CNTFR: variants seen among roughly 807,000 people sequenced by gnomAD.
CNTFR encodes the protein ciliary neurotrophic factor receptor subunit alpha.
CNTFR carries 12 observed loss-of-function variants against 40.4 expected under a neutral mutation model. The ratio of observed to expected loss-of-function variants is 0.30; its 90% CI spans 0.19 to 0.48. The LOEUF (loss-of-function observed/expected upper bound fraction) is 0.48. CNTFR is among the 20% of genes least tolerant of loss of function. The pLI, the probability that CNTFR is intolerant of heterozygous loss-of-function variation, is 0.99. For synonymous variants in CNTFR, 202 were observed against 209.6 expected (o/e 0.96, Z 0.31); for missense variants, 414 against 506.8 (o/e 0.82, Z 1.76).
chr9:34,575,724 T>A (rs2132223876), intron 2 of CNTFR, among the ~76,000 whole-genome samples: 1 of 121,572 alleles, frequency 8.2e-6, no homozygotes, highest in Non-Finnish European at 1.6e-5. Flanking sequence ...GGGGCAGCAG[T>A]GCATGTGATG....
chr9:34,555,089 CT>C (rs201537084), intron 7 of CNTFR, among the ~76,000 whole-genome samples: 3,617 of 152,370 alleles, frequency 0.024, 68 homozygotes, highest in Middle Eastern at 0.041. Flanking sequence ...GCCAGGTCCA[CT>C]GCAAGGCGTG....
At chr9:34,586,718 GAGTCTAGTCTCCTTATGGAAGGAA>G (rs1461957498) in intron 1 of CNTFR, among the ~76,000 whole-genome samples, 1 of 152,202 alleles carries the variant, frequency 6.6e-6, no homozygotes, top group Non-Finnish European at 1.5e-5. Flanking sequence ...TTCCTGCCAA[GAGTCTAGTCTCCTTATGGAAGGAA>G]AGCAGCGAAA....
At position 34,557,508 on chromosome 9, in the gene CNTFR, C is replaced by T. The variant is rs1380871376; in HGVS notation, c.604+18G>A. Reference sequence around the variant, plus strand: ...CCCACTGGAGTAGGCAGCAGGTCCCCCCAACCGCCACACGTACCAATGGTG... The same window carrying T: ...CCCACTGGAGTAGGCAGCAGGTCCCTCCAACCGCCACACGTACCAATGGTG... On this transcript the variant is annotated intron_variant, in intron 6 of 9. Transcript: ENST00000378980. The surrounding 1 kb of genome is among the most constrained non-coding windows in gnomAD (Gnocchi z 4.2). 4.4e-6 allele frequency: 7 copies of T among 1,608,390 alleles called. No individual in the cohort carries two copies. In the Admixed American group the frequency reaches 6.7e-5, roughly 15 times the overall value.
At chr9:34,588,784 C>T (rs1827652780) in intron 1 of CNTFR, among the ~76,000 whole-genome samples, 1 of 152,144 alleles carries the variant, frequency 6.6e-6, no homozygotes, top group Admixed American at 6.5e-5. Context: ...GGAGAGCTGT[C>T]CGTCTGGTGA....
At position 34,557,844 on chromosome 9, in the gene CNTFR, G is replaced by A. The variant is rs753541676; in HGVS notation, c.437+23C>T. 7.1e-6 allele frequency: 11 copies of A among 1,552,972 alleles called. No individual in the cohort carries two copies. In the South Asian group the frequency reaches 8.6e-5, roughly 12 times the overall value. On this transcript the variant is annotated intron_variant, in intron 5 of 9. Transcript: ENST00000378980. The surrounding 1 kb of genome is among the most constrained non-coding windows in gnomAD (Gnocchi z 4.2). ...GAGGTCAGAGGTCAGGGCTGGACCC[G>A]GGTCACAGGCGCAGCTACTCACAGC...
Position 34,552,728 on chromosome 9 carries a change from C to T in CNTFR, c.895G>A (p.Ala299Thr), listed in dbSNP as rs376033873. 2.1e-5 allele frequency: 34 copies of T among 1,613,858 alleles called. No homozygotes were observed. The highest frequency in any genetic ancestry group is 2.8e-5 in the Non-Finnish European group (33 of 1,179,968). ...CGCGGTTCCTCAGTCCAGGGCGTAG[C>T]GTGGGCGGCTACGCTCCAGTCACTC... ...TWSDWSVAAHATPWTEEPRHL... is the reference protein window; with the variant it reads ...TWSDWSVAAHTTPWTEEPRHL... Residue 299 changes from alanine to threonine, a missense_variant, in exon 8 of 10, where the codon GCT becomes ACT. Ala to Thr is a moderately conservative substitution (Grantham distance 58). Around this residue, in one of 3 missense-constraint regions of CNTFR, gnomAD observed 83 missense variants for 145.0 expected, o/e 0.57. Coordinates refer to ENST00000378980, the MANE Select transcript of CNTFR (RefSeq NM_147164.3). This position sits in a 1 kb window ranked among gnomAD's most constrained non-coding sequence, Gnocchi z 5.1.
Position 34,552,657 on chromosome 9 carries a change from G to A in CNTFR, c.949+17C>T, listed in dbSNP as rs1825684211. 6.2e-7 allele frequency: 1 copy of A among 1,610,340 alleles called. No homozygotes were observed. The highest frequency in any genetic ancestry group is 8.5e-7 in the Non-Finnish European group (1 of 1,179,182). On this transcript the variant is annotated intron_variant, in intron 8 of 9. Coordinates refer to ENST00000378980, the MANE Select transcript of CNTFR (RefSeq NM_147164.3). The surrounding 1 kb of genome is among the most constrained non-coding windows in gnomAD (Gnocchi z 5.1). ...CAGGACAGCAAAGCCAGGAGGTAGG[G>A]GCGGGAGCAAGCTCACCCGCAGCCT...
chr9:34,566,964 G>A (rs912610627), intron 3 of CNTFR, among the ~76,000 whole-genome samples: 2 of 152,158 alleles, frequency 1.3e-5, no homozygotes, highest in African/African-American at 4.8e-5. Flanking sequence ...GACAACGACA[G>A]GCCACAGTGG....
intron 4 of CNTFR, among the ~76,000 whole-genome samples, chr9:34,563,463 G>A (rs1191175133): frequency 6.6e-6 from 1 of 152,216 alleles, no homozygotes; most frequent in African/African-American, 2.4e-5. Flanking sequence ...CAGTCGCCAA[G>A]AGGCAATGTC....
At position 34,568,996 on chromosome 9, in the gene CNTFR, C is replaced by CG. The variant is rs762063501; in HGVS notation, c.1-16dup. On this transcript the variant is annotated splice_polypyrimidine_tract_variant and intron_variant, in intron 2 of 9. Coordinates refer to ENST00000378980, the MANE Select transcript of CNTFR (RefSeq NM_147164.3). ...GGAGCAGCCATCTGTTGGGAGAAAC[C>CG]GGGGTGGGGGAGGGGTCAGCATCAG... 3.9e-6 allele frequency: 6 copies of CG among 1,541,696 alleles called. No individual in the cohort carries two copies. The East Asian group carries it at 1.4e-4, about 36-fold the overall frequency.
intron 7 of CNTFR, among the ~76,000 whole-genome samples, chr9:34,555,028 C>T (rs111914063): frequency 1.5e-3 from 232 of 152,364 alleles, no homozygotes; most frequent in African/African-American, 4.9e-3. Context: ...GTACGGTTCC[C>T]GCTGGGAGCC....
Position 34,552,665 on chromosome 9 carries a change from C to A in CNTFR, c.949+9G>T. 6.2e-7 allele frequency: 1 copy of A among 1,611,676 alleles called. No individual in the cohort carries two copies. Among genetic ancestry groups the A allele is most frequent in the East Asian group, 2.2e-5 (1 of 44,866 alleles). On this transcript the variant is annotated intron_variant, in intron 8 of 9. Transcript: ENST00000378980. The surrounding 1 kb of genome is among the most constrained non-coding windows in gnomAD (Gnocchi z 5.1). ...CAAAGCCAGGAGGTAGGGGCGGGAGCAAGCTCACCCGCAGCCTGGGCCTCC... is the reference window on the plus strand; with the variant it reads ...CAAAGCCAGGAGGTAGGGGCGGGAGAAAGCTCACCCGCAGCCTGGGCCTCC...
rs73486512 is a variant in CNTFR at position 34,560,605 on chromosome 9, A to C, written c.320-2621T>G. The stretch of plus-strand genomic sequence containing the variant: ...GCATGTGGGAGGGTGCCCAGAATTC[A>C]CAGCATGTTCACACGTATGAACTGA... On this transcript the variant is annotated intron_variant, in intron 4 of 9. Coordinates refer to ENST00000378980, the MANE Select transcript of CNTFR (RefSeq NM_147164.3). 7.5e-3 allele frequency among the ~76,000 whole-genome samples: 1,145 copies of C among 152,372 alleles called. 14 individuals are homozygous for C. Among genetic ancestry groups the C allele is most frequent in the African/African-American group, 0.026 (1,079 of 41,582 alleles).
chr9:34,564,125 C>T (rs1021264121), intron 4 of CNTFR, among the ~76,000 whole-genome samples: 2 of 152,200 alleles, frequency 1.3e-5, no homozygotes, highest in Non-Finnish European at 2.9e-5. Context: ...TCGCTTCCCA[C>T]TCCAGGATGC....
chr9:34,559,039 G>A (rs941868413), intron 4 of CNTFR, among the ~76,000 whole-genome samples: 4 of 152,178 alleles, frequency 2.6e-5, no homozygotes, highest in African/African-American at 9.7e-5. Context: ...CCCGAGCAAG[G>A]AATGTCCATC....
At chr9:34,590,535 A>G (rs1202423901), upstream of CNTFR, among the ~76,000 whole-genome samples, 4 of 152,202 alleles carry the variant, frequency 2.6e-5, no homozygotes, top group South Asian at 6.2e-4. Context: ...CCGGGGATGG[A>G]CCCTGCCGGG....
At chr9:34,577,946 G>C (rs1275105536) in intron 2 of CNTFR, among the ~76,000 whole-genome samples, 1 of 151,150 alleles carries the variant, frequency 6.6e-6, no homozygotes, top group Non-Finnish European at 1.5e-5. Flanking sequence ...GCTGGCGGGC[G>C]GGCGAGCGCG....
Position 34,566,687 on chromosome 9 carries a change from T to C in CNTFR, c.86-1855A>G, listed in dbSNP as rs562257870. On this transcript the variant is annotated intron_variant, in intron 3 of 9. Coordinates refer to ENST00000378980, the MANE Select transcript of CNTFR (RefSeq NM_147164.3). ...CTTTGGGGAGGGGGCGTGGCCATCA[T>C]GGTCCCAGCAGCAACACATCAACAC... is the stretch of plus-strand genomic sequence containing the variant. Among the ~76,000 whole-genome samples, 18 of 152,220 alleles carry C rather than the reference T, an allele frequency of 1.2e-4. No homozygotes were observed. The South Asian group carries it at 3.7e-3, about 32-fold the overall frequency.
chr9:34,582,279 A>AAAAAAAAC (rs1827337246), intron 1 of CNTFR: 1 of 17,294 alleles, frequency 5.8e-5, no homozygotes, highest in African/African-American at 2.0e-4. Context: ...CCTATGGCAA[A>AAAAAAAAC]AAAAAAAAAA....
Sources: allele counts gnomAD v4.1 joint callset (sites outside exome capture counted in the v4.1 genomes callset), GRCh38; gene constraint gnomAD v4.1.1; regional missense constraint gnomAD v4.1.1; non-coding constraint Gnocchi (gnomAD v3.1); transcripts MANE v1.5; gene names NCBI Gene and HGNC (gene_info 2026-07-23, HGNC 2026-07-21).